SLFN14: variants seen among roughly 807,000 people sequenced by gnomAD.
The protein encoded by SLFN14 is schlafen family member 14.
A neutral mutation model predicts 58.6 loss-of-function variants in SLFN14; 47 were observed. That is an observed-to-expected ratio of 0.80 (90% CI 0.64 to 1.02). The LOEUF (loss-of-function observed/expected upper bound fraction) is 1.02, where lower values mean the gene tolerates loss of function less well. Among genes scored for constraint, SLFN14 ranks in the 50% least tolerant of loss-of-function variants. The pLI is 0.00. For synonymous variants in SLFN14, 390 were observed against 387.3 expected (o/e 1.01, Z -0.08); for missense variants, 967 against 1,078.4 (o/e 0.90, Z 1.45).
At position 35,557,040 on chromosome 17, in the gene SLFN14, A is replaced by G. The variant is rs2072658109; in HGVS notation, c.1023T>C (p.Ala341=). ...CCAGCATCATGACCACCCACTGCTC[A>G]GCTGTCAGCCGTGTGACAGAATTGT... ...MKDNSVTRLT[A]EQWVVMMLDT... The change falls in exon 3 of 6, where the codon GCT becomes GCC. Residue 341 remains alanine (A), a synonymous_variant. Coordinates refer to ENST00000674182, the MANE Select transcript of SLFN14 (RefSeq NM_001129820.2). 1.3e-6 allele frequency: 2 copies of G among 1,551,528 alleles called. No individual in the cohort carries two copies. The highest frequency in any genetic ancestry group is 2.7e-5 in the African/African-American group (2 of 73,028).
At position 35,554,676 on chromosome 17, in the gene SLFN14, G is replaced by T; in HGVS notation, c.1089C>A (p.Asn363Lys). 1 of 1,473,522 alleles carries T rather than the reference G, an allele frequency of 6.8e-7. No individual in the cohort carries two copies. The highest frequency in any genetic ancestry group is 1.4e-5 in the South Asian group (1 of 73,344). The allele number at this position is 1,473,522 out of a possible 1,614,324, so 91.3% of individuals were successfully genotyped here. A position where few individuals can be genotyped will look rare whatever the true frequency, so the allele number is the denominator to read the frequency against. ...ATGAAGCTGATGAAATCAGGCAAGA[G>T]TTGTAGTCTGTGACCAAACTGGGAG... Reference protein sequence around the residue: ...SAPPSLVTDYNSCLISSASSA... With the variant: ...SAPPSLVTDYKSCLISSASSA... Residue 363 changes from asparagine to lysine, a missense_variant, in exon 4 of 6, where the codon AAC (asparagine) becomes AAA (lysine). By Grantham distance (94) the Asn-to-Lys change is moderately conservative. Coordinates refer to ENST00000674182, the MANE Select transcript of SLFN14 (RefSeq NM_001129820.2).
Position 35,552,805 on chromosome 17 carries a change from A to C in SLFN14, c.1829T>G (p.Ile610Ser), listed in dbSNP as rs1252446941. 2 of 1,551,292 alleles carry C rather than the reference A, an allele frequency of 1.3e-6. No individual in the cohort carries two copies. The highest frequency in any genetic ancestry group is 1.7e-6 in the Non-Finnish European group (2 of 1,146,914). ...TALAIKIMEK[I>S]KDLFHCKPKE... is the part of the protein sequence containing the mutation. ...TGGTTTGCAGTGAAACAAGTCCTTA[A>C]TTTTCTCCATGATCTTTATGGCTAG... Residue 610 changes from isoleucine to serine, a missense_variant, in exon 5 of 6, where the codon ATT becomes AGT. Ile to Ser is a moderately radical substitution (Grantham distance 142). Coordinates refer to ENST00000674182, the MANE Select transcript of SLFN14 (RefSeq NM_001129820.2).
In SLFN14 at chr17:35,554,686, G is replaced by C; in HGVS notation, c.1079C>G (p.Thr360Arg). Residue 360 changes from threonine (T) to arginine (R), a missense_variant, in exon 4 of 6, where the codon ACA becomes AGA. Thr to Arg is a moderately conservative substitution (Grantham distance 71, BLOSUM62 -1). Transcript: ENST00000674182. ...DTQSAPPSLV[T>R]DYNSCLISSA... ...TGAAATCAGGCAAGAGTTGTAGTCT[G>C]TGACCAAACTGGGAGGAGCTAGACA... 6.8e-7 allele frequency: 1 copy of C among 1,464,466 alleles called. No individual in the cohort carries two copies. The highest frequency in any genetic ancestry group is 9.1e-7 in the Non-Finnish European group (1 of 1,101,360). 90.7% of individuals were successfully genotyped at this position (1,464,466 alleles called of 1,614,324 possible). A position where few individuals can be genotyped will look rare whatever the true frequency, so the allele number is the denominator to read the frequency against.
In SLFN14 at chr17:35,547,116, G is replaced by A. The variant is rs2072540253; in HGVS notation, c.*1123C>T. Among the ~76,000 whole-genome samples, 1 of 152,114 alleles carries A rather than the reference G, an allele frequency of 6.6e-6. No homozygotes were observed. The highest frequency in any genetic ancestry group is 6.5e-5 in the Admixed American group (1 of 15,274). Reference sequence around the variant, plus strand: ...GTAGGCAAAATTTGTATATGTTGGGGGCAGTAAGGAGAGGGTTGGTGGTGA... The same window carrying A: ...GTAGGCAAAATTTGTATATGTTGGGAGCAGTAAGGAGAGGGTTGGTGGTGA... On this transcript the variant is annotated 3_prime_UTR_variant, in exon 6 of 6. Transcript: ENST00000674182.
At chr17:35,555,468 C>T (rs934049212) in intron 3 of SLFN14, among the ~76,000 whole-genome samples, 6 of 151,226 alleles carry the variant, frequency 4.0e-5, no homozygotes, top group Non-Finnish European at 7.4e-5. Flanking sequence ...GGGAGAATTG[C>T]TTGAACCTGG....
intron 2 of SLFN14, among the ~76,000 whole-genome samples, chr17:35,559,052 A>G (rs1289941429): frequency 7.1e-6 from 1 of 140,688 alleles, no homozygotes; most frequent in Non-Finnish European, 1.5e-5. Flanking sequence ...TCGACAAAAG[A>G]TAAAAAAAAA....
In SLFN14 at chr17:35,553,353, C is replaced by T; in HGVS notation, c.1281G>A (p.Leu427=). 1 of 1,551,678 alleles carries T rather than the reference C, an allele frequency of 6.4e-7. No homozygotes were observed. Among genetic ancestry groups the T allele is most frequent in the Non-Finnish European group, 8.7e-7 (1 of 1,146,990 alleles). The change falls in exon 5 of 6, where the codon CTG becomes CTA. Residue 427 remains leucine, a synonymous_variant. Transcript: ENST00000674182. ...HKELEGLMKT[L]IHPCSQGIVI... ...CAATCCCCTGAGAACAAGGATGTAT[C>T]AGGGTCTTCATTAAACCCTCCAGTT...
rs2142191915 is a variant in SLFN14 at position 35,545,665 on chromosome 17, T to G, written c.*2574A>C. Among the ~76,000 whole-genome samples, 1 of 152,170 alleles carries G rather than the reference T, an allele frequency of 6.6e-6. No individual in the cohort carries two copies. Among genetic ancestry groups the G allele is most frequent in the Non-Finnish European group, 1.5e-5 (1 of 68,014 alleles). On this transcript the variant is annotated 3_prime_UTR_variant, in exon 6 of 6. Coordinates refer to ENST00000674182, the MANE Select transcript of SLFN14 (RefSeq NM_001129820.2). ...ATGCACCACCATGCCCAACTAAGTT[T>G]TTAAAAAAATTTTTTTTGTAGAGAT...
intron 1 of SLFN14, among the ~76,000 whole-genome samples, 73 bp from the exon 2 acceptor site, chr17:35,559,878 G>A (rs2072685017): frequency 6.6e-6 from 1 of 152,200 alleles, no homozygotes; most frequent in Non-Finnish European, 1.5e-5. Context: ...ACATGTAAAT[G>A]TAGTATTTTA....
At chr17:35,559,835 A>G (rs2072684751) in intron 1 of SLFN14, among the ~76,000 whole-genome samples, 30 bp from the exon 2 acceptor site, 1 of 152,170 alleles carries the variant, frequency 6.6e-6, no homozygotes, top group Non-Finnish European at 1.5e-5. Context: ...AACCTGGGGA[A>G]TTCTTTTTAG....
Position 35,548,708 on chromosome 17 carries a change from A to T in SLFN14, c.2270T>A (p.Met757Lys). 1 of 1,551,730 alleles carries T rather than the reference A, an allele frequency of 6.4e-7. No individual in the cohort carries two copies. Among genetic ancestry groups the T allele is most frequent in the Non-Finnish European group, 8.7e-7 (1 of 1,147,000 alleles). The stretch of plus-strand genomic sequence containing the variant: ...GAACAATGCTAATGTGTCTGGAGAC[A>T]TGTTGGAGGGAGGATTTTCTTTGAT... ...KRIKENPPSN[M>K]SPDTLALFSE... is the part of the protein sequence containing the mutation. Residue 757 changes from methionine to lysine, a missense_variant, in exon 6 of 6, where the codon ATG becomes AAG. By Grantham distance (95) the Met-to-Lys change is moderately conservative (BLOSUM62 -1). Coordinates refer to ENST00000674182, the MANE Select transcript of SLFN14 (RefSeq NM_001129820.2).
chr17:35,552,087 C>T (rs2072594699), intron 5 of SLFN14, among the ~76,000 whole-genome samples: 1 of 152,208 alleles, frequency 6.6e-6, no homozygotes, highest in African/African-American at 2.4e-5. Flanking sequence ...GTAAAATCTA[C>T]CACGGACCCC....
At position 35,557,303 on chromosome 17, in the gene SLFN14, C is replaced by T. The variant is rs540019015; in HGVS notation, c.760G>A (p.Val254Met). 11 of 1,551,746 alleles carry T rather than the reference C, an allele frequency of 7.1e-6. No homozygotes were observed. In the South Asian group the frequency reaches 1.2e-4, roughly 17 times the overall value. Residue 254 changes from valine to methionine, a missense_variant, in exon 3 of 6, where the codon GTG becomes ATG. Val to Met is a conservative substitution (Grantham distance 21, BLOSUM62 1). Coordinates refer to ENST00000674182, the MANE Select transcript of SLFN14 (RefSeq NM_001129820.2). ...LIGVDDKSKE[V>M]VGCKWEKVNP... ...ACTTTTTCCCACTTACATCCAACCA[C>T]TTCTTTGCTCTTATCATCCACCCCA...
intron 2 of SLFN14, among the ~76,000 whole-genome samples, chr17:35,559,231 A>C (rs1248628596): frequency 6.6e-6 from 1 of 152,114 alleles, no homozygotes; most frequent in East Asian, 1.9e-4. Flanking sequence ...GTCTAAAAAA[A>C]TAAAAATAAA....
intron 5 of SLFN14, among the ~76,000 whole-genome samples, chr17:35,552,522 C>T (rs769762504): frequency 2.0e-5 from 3 of 151,846 alleles, no homozygotes; most frequent in Admixed American, 6.6e-5. Flanking sequence ...AAGCTGGCAA[C>T]GGCTACCCTC....
intron 1 of SLFN14, among the ~76,000 whole-genome samples, chr17:35,560,418 C>G (rs1013983752): frequency 1.3e-5 from 2 of 152,180 alleles, no homozygotes; most frequent in Non-Finnish European, 2.9e-5. Context: ...ACCTCCGTCC[C>G]CCAGGTTCAA....
chr17:35,549,121 C>A, intron 5 of SLFN14, 48 bp from the exon 6 acceptor site: 1 of 1,381,124 alleles, frequency 7.2e-7, no homozygotes, highest in Non-Finnish European at 9.9e-7. Flanking sequence ...ACAAAGAGAA[C>A]ACCAGCAGTC....
Position 35,557,450 on chromosome 17 carries a change from T to C in SLFN14, c.613A>G (p.Thr205Ala). ...TTAAATTCAACATGTGTTGACTCAG[T>C]AAAGTTGAGTTTCTCCTTATACATG... The part of the protein sequence containing the change: ...KLMYKEKLNF[T>A]ESTHVEFKRF... Residue 205 changes from threonine to alanine, a missense_variant, in exon 3 of 6, where the codon ACT becomes GCT. Physicochemically the swap from Thr to Ala is moderately conservative, Grantham distance 58. Transcript: ENST00000674182. The C allele has an allele frequency of 6.4e-7, 1 of 1,551,698 alleles. No homozygotes were observed. The highest frequency in any genetic ancestry group is 8.7e-7 in the Non-Finnish European group (1 of 1,146,986).
At chr17:35,560,041 C>T (rs928940522) in intron 1 of SLFN14, among the ~76,000 whole-genome samples, 12 of 152,170 alleles carry the variant, frequency 7.9e-5, no homozygotes, top group Admixed American at 6.5e-4. Flanking sequence ...TTGCAAACCT[C>T]CAGCAATGAG....
Sources: allele counts gnomAD v4.1 joint callset (sites outside exome capture counted in the v4.1 genomes callset), GRCh38; gene constraint gnomAD v4.1.1; transcripts MANE v1.5; gene names NCBI Gene and HGNC (gene_info 2026-07-23, HGNC 2026-07-21).